LOC400499: variants seen among roughly 807,000 people sequenced by gnomAD.
chr16:11,405,405 T>A, the LOC400499 span, among the ~76,000 whole-genome samples: 4 of 152,100 alleles, frequency 2.6e-5, no homozygotes, highest in Non-Finnish European at 4.4e-5. Context: ...ATAGTCGAGA[T>A]AGTCACAGGA....
chr16:11,433,970 C>G, the LOC400499 span, among the ~76,000 whole-genome samples: 1 of 152,148 alleles, frequency 6.6e-6, no homozygotes. Context: ...CGCGAATGAT[C>G]AGACACAAGA....
the LOC400499 span, among the ~76,000 whole-genome samples, chr16:11,431,829 C>G: frequency 1.3e-5 from 2 of 152,176 alleles, no homozygotes; most frequent in Non-Finnish European, 2.9e-5. Flanking sequence ...TGCATTAACA[C>G]GTGAGATCTA....
chr16:11,383,418 AACTC>A, the LOC400499 span, among the ~76,000 whole-genome samples: 1 of 152,168 alleles, frequency 6.6e-6, no homozygotes, highest in Non-Finnish European at 1.5e-5. Flanking sequence ...ATAGAGCAAG[AACTC>A]ACTCTTCACC....
chr16:11,434,056 G>A, the LOC400499 span, among the ~76,000 whole-genome samples: 1 of 152,172 alleles, frequency 6.6e-6, no homozygotes, highest in Non-Finnish European at 1.5e-5. Context: ...AGCAGAGGGA[G>A]GACAGGAAGG....
chr16:11,451,150 T>C, the LOC400499 span, among the ~76,000 whole-genome samples: 10 of 151,954 alleles, frequency 6.6e-5, no homozygotes, highest in Non-Finnish European at 1.0e-4. Flanking sequence ...ACGGAAAAAA[T>C]AAGAGGGCTG....
chr16:11,523,727 C>T, the LOC400499 span: 1 of 339,638 alleles, frequency 2.9e-6, no homozygotes, highest in Non-Finnish European at 5.3e-6. Flanking sequence ...AGCTGCCAAT[C>T]ATTCGTGCTT....
the LOC400499 span, among the ~76,000 whole-genome samples, chr16:11,466,679 G>A: frequency 6.6e-6 from 1 of 152,026 alleles, no homozygotes; most frequent in Admixed American, 6.6e-5. Flanking sequence ...GTGAGCCACC[G>A]CACCTGGCCT....
At chr16:11,399,139 G>C in the LOC400499 span, 6 of 852,776 alleles carry the variant, frequency 7.0e-6, no homozygotes, top group African/African-American at 3.7e-5. Context: ...TGCTGGAGGA[G>C]ACCAGACCTG....
the LOC400499 span, among the ~76,000 whole-genome samples, chr16:11,386,927 C>T: frequency 1.3e-5 from 2 of 152,234 alleles, 1 homozygote; most frequent in Middle Eastern, 6.3e-3. Context: ...CTCTGCAGGG[C>T]CAAGACTTAT....
At chr16:11,525,000 T>C in the LOC400499 span, among the ~76,000 whole-genome samples, 4 of 152,148 alleles carry the variant, frequency 2.6e-5, no homozygotes, top group Non-Finnish European at 5.9e-5. Flanking sequence ...AAAAACACAT[T>C]GTGCCTGGGT....
chr16:11,410,862 C>A, the LOC400499 span, among the ~76,000 whole-genome samples: 5 of 152,248 alleles, frequency 3.3e-5, no homozygotes, highest in Admixed American at 2.6e-4. Context: ...ACTCCTACGA[C>A]CCCTCAAGTC....
the LOC400499 span, among the ~76,000 whole-genome samples, chr16:11,496,259 G>A: frequency 1.3e-5 from 2 of 151,936 alleles, no homozygotes; most frequent in East Asian, 1.9e-4. Flanking sequence ...TAGAGATGGG[G>A]TTTCACCATA....
the LOC400499 span, chr16:11,399,673 A>T: frequency 2.5e-6 from 1 of 398,690 alleles, no homozygotes; most frequent in Non-Finnish European, 4.4e-6. Flanking sequence ...GGACCCCCTC[A>T]CTCGGTGCAG....
At chr16:11,478,275 G>A in the LOC400499 span, among the ~76,000 whole-genome samples, 3 of 148,126 alleles carry the variant, frequency 2.0e-5, no homozygotes, top group Non-Finnish European at 4.5e-5. Context: ...TGATCCACCC[G>A]CCCCAGCCTC....
At chr16:11,480,728 C>T in the LOC400499 span, among the ~76,000 whole-genome samples, 1 of 152,208 alleles carries the variant, frequency 6.6e-6, no homozygotes, top group Non-Finnish European at 1.5e-5. Context: ...CCTAAGAAAG[C>T]AGGCCCAAGA....
At chr16:11,507,147 G>T in the LOC400499 span, among the ~76,000 whole-genome samples, 1 of 152,164 alleles carries the variant, frequency 6.6e-6, no homozygotes, top group Non-Finnish European at 1.5e-5. Context: ...GGTCCTCTTG[G>T]GGCCAAAGAA....
chr16:11,426,157 C>T, the LOC400499 span, among the ~76,000 whole-genome samples: 1 of 152,146 alleles, frequency 6.6e-6, no homozygotes, highest in African/African-American at 2.4e-5. Flanking sequence ...AAAAACTGGC[C>T]AGGCGCGGTG....
At chr16:11,458,607 G>A in the LOC400499 span, among the ~76,000 whole-genome samples, 1 of 152,156 alleles carries the variant, frequency 6.6e-6, no homozygotes, top group African/African-American at 2.4e-5. Context: ...TCCAGGGACT[G>A]GGAGAAGGAG....
At chr16:11,485,842 C>T in the LOC400499 span, among the ~76,000 whole-genome samples, 262 of 152,128 alleles carry the variant, frequency 1.7e-3, 4 homozygotes, top group East Asian at 2.7e-3. Flanking sequence ...GGATGTGTGA[C>T]TCAGAGGATG....
Sources: gnomAD v4.1 joint callset for allele counts (sites outside exome capture counted in the v4.1 genomes callset) on GRCh38, gnomAD v4.1.1 for gene constraint, MANE v1.5 for transcripts.